EPRS1: variants seen among roughly 807,000 people sequenced by gnomAD.
The protein encoded by EPRS1 is bifunctional glutamate/proline--tRNA ligase.
Under a neutral mutation model 188.3 loss-of-function variants are expected in EPRS1, and 107 were observed. The observed-to-expected ratio is 0.57, with a 90% CI of 0.49 to 0.67. The LOEUF (loss-of-function observed/expected upper bound fraction) is 0.67. Ranked by LOEUF, EPRS1 falls within the 30% of genes least tolerant of loss-of-function variation. The pLI, the probability that EPRS1 is intolerant of heterozygous loss-of-function variation, is 0.00. For synonymous variants in EPRS1, 596 were observed against 593.1 expected (o/e 1.00, Z -0.07); for missense variants, 1,577 against 1,802.2 (o/e 0.88, Z 2.26).
chr1:220,010,298 G>A (rs941867620), intron 13 of EPRS1, among the ~76,000 whole-genome samples: 1 of 151,938 alleles, frequency 6.6e-6, no homozygotes, highest in Non-Finnish European at 1.5e-5. Context: ...TATAAAGATA[G>A]GAGCTTGAAT....
At chr1:219,987,713 T>A (rs1661032943) in intron 19 of EPRS1, among the ~76,000 whole-genome samples, 2 of 152,170 alleles carry the variant, frequency 1.3e-5, no homozygotes, top group Admixed American at 1.3e-4. Flanking sequence ...ATTGAAATTA[T>A]AAAGATTATG....
In EPRS1 at chr1:219,983,332, C is replaced by T; in HGVS notation, c.3157G>A (p.Ala1053Thr). ...TTGATGGCTTCCCAAATGGCATAGG[C>T]CCAGGGACGAAGAATATAACAGCCA... ...ISGCYILRPWAYAIWEAIKDF... is the reference protein window; with the variant it reads ...ISGCYILRPWTYAIWEAIKDF... Residue 1053 changes from alanine (A) to threonine (T), a missense_variant, in exon 22 of 32, where the codon GCC becomes ACC. By Grantham distance (58) the Ala-to-Thr change is moderately conservative. Around this residue, in one of 3 missense-constraint regions of EPRS1, gnomAD observed 1,278 missense variants for 1,457.4 expected, o/e 0.88. Coordinates refer to ENST00000366923, the MANE Select transcript of EPRS1 (RefSeq NM_004446.3). 8.1e-6 allele frequency: 13 copies of T among 1,613,934 alleles called. No homozygotes were observed. Among genetic ancestry groups the T allele is most frequent in the Non-Finnish European group, 1.1e-5 (13 of 1,179,830 alleles).
intron 1 of EPRS1, 58 bp downstream of exon 1, chr1:220,046,285 G>A (rs1273851562): frequency 1.2e-6 from 2 of 1,604,968 alleles, no homozygotes; most frequent in South Asian, 1.1e-5. Context: ...GACCTTCCAC[G>A]CCCTGCACCC....
At chr1:220,024,531 A>T in intron 7 of EPRS1, 75 bp from the exon 8 acceptor site, 1 of 927,902 alleles carries the variant, frequency 1.1e-6, no homozygotes, top group East Asian at 2.5e-5. Context: ...TTGATACTGC[A>T]TTTAAGCAAA....
At chr1:220,002,812 C>G (rs115705971) in intron 16 of EPRS1, among the ~76,000 whole-genome samples, 49 of 152,196 alleles carry the variant, frequency 3.2e-4, no homozygotes, top group African/African-American at 1.2e-3. Context: ...GCACTCAAGT[C>G]TGGGTGAGAG....
At chr1:220,024,231 A>G (rs1471270615) in intron 8 of EPRS1, 33 bp downstream of exon 8, 1 of 1,370,804 alleles carries the variant, frequency 7.3e-7, no homozygotes, top group Non-Finnish European at 1.0e-6. Context: ...CAATATAAGA[A>G]TATCAATTAA....
At chr1:220,013,299 C>CT (rs1469449157) in intron 12 of EPRS1, among the ~76,000 whole-genome samples, 1 of 152,118 alleles carries the variant, frequency 6.6e-6, no homozygotes, top group Non-Finnish European at 1.5e-5. Context: ...AAATAAAGTA[C>CT]TAGTTTCCTA....
Position 220,010,903 on chromosome 1 carries a change from CTTT to C in EPRS1, c.1605+40_1605+42del, listed in dbSNP as rs947666932. The C allele has an allele frequency of 2.6e-6, 3 of 1,153,302 alleles. No homozygotes were observed. In the African/African-American group the frequency reaches 4.6e-5, roughly 18 times the overall value. 71.4% of individuals were successfully genotyped at this position (1,153,302 alleles called of 1,614,324 possible). A position where few individuals can be genotyped will look rare whatever the true frequency, so the allele number is the denominator to read the frequency against. On this transcript the variant is annotated intron_variant, in intron 13 of 31. Transcript: ENST00000366923. ...TTTTCCTTTTTATTTCCTGCTCCTT[CTTT>C]TAACAGAGAGAAACACATTGGTGAA...
intron 13 of EPRS1, among the ~76,000 whole-genome samples, chr1:220,007,554 TA>T (rs1661515253): frequency 6.6e-6 from 1 of 152,224 alleles, no homozygotes; most frequent in African/African-American, 2.4e-5. Context: ...TCTTAGCATT[TA>T]AACAATACAT....
chr1:219,994,992 A>G (rs1661204927), intron 18 of EPRS1, among the ~76,000 whole-genome samples: 1 of 152,046 alleles, frequency 6.6e-6, no homozygotes, highest in Admixed American at 6.6e-5. Context: ...TATTGTTGTT[A>G]TGCACCATTT....
At chr1:220,018,194 GA>G (rs369093891) in intron 12 of EPRS1, 29 of 1,391,322 alleles carry the variant, frequency 2.1e-5, no homozygotes, top group African/African-American at 5.8e-5. Context: ...AAAATTTAAG[GA>G]AAAAAATATT....
intron 18 of EPRS1, among the ~76,000 whole-genome samples, chr1:219,989,481 T>C (rs1254504819): frequency 6.6e-6 from 1 of 151,588 alleles, no homozygotes; most frequent in Non-Finnish European, 1.5e-5. Context: ...ATGGTGCTAC[T>C]ATCTCACCAC....
chr1:219,976,248 T>C (rs979714803), intron 28 of EPRS1, among the ~76,000 whole-genome samples: 3 of 152,162 alleles, frequency 2.0e-5, no homozygotes, highest in Non-Finnish European at 4.4e-5. Context: ...GAAAGGCTAA[T>C]AAAAAATGTG....
Position 219,988,749 on chromosome 1 carries a change from G to A in EPRS1, c.2616C>T (p.Tyr872=), listed in dbSNP as rs375836750. Residue 872 remains tyrosine, a synonymous_variant, in exon 19 of 32, where the codon TAC becomes TAT. Transcript: ENST00000366923. ...GAGATAATGGGGGCTGACCAGGTAT[G>A]TACTCCTTCCCAGTTTTTTCTTTAT... ...AQYKEKTGKE[Y]IPGQPPLSQS... 19 of 1,613,666 alleles carry A rather than the reference G, an allele frequency of 1.2e-5. No individual in the cohort carries two copies. The highest frequency in any genetic ancestry group is 1.6e-5 in the Non-Finnish European group (19 of 1,179,778).
Position 219,988,837 on chromosome 1 carries a change from G to C in EPRS1, c.2542-14C>G, listed in dbSNP as rs367696750. 1.3e-6 allele frequency: 2 copies of C among 1,509,542 alleles called. No homozygotes were observed. Among genetic ancestry groups the C allele is most frequent in the African/African-American group, 2.8e-5 (2 of 71,266 alleles). The allele number at this position is 1,509,542 out of a possible 1,614,324, so 93.5% of individuals were successfully genotyped here. A position where few individuals can be genotyped will look rare whatever the true frequency, so the allele number is the denominator to read the frequency against. On this transcript the variant is annotated splice_polypyrimidine_tract_variant and intron_variant, in intron 18 of 31. Coordinates refer to ENST00000366923, the MANE Select transcript of EPRS1 (RefSeq NM_004446.3). The stretch of plus-strand genomic sequence containing the variant: ...ATTTATTTTAGCCTAAAATAAAAGA[G>C]AGAAAGAGATATTTATAAAACTTTG...
intron 1 of EPRS1, among the ~76,000 whole-genome samples, chr1:220,043,571 T>C (rs1030298647): frequency 6.6e-6 from 1 of 152,146 alleles, no homozygotes; most frequent in South Asian, 2.1e-4. Flanking sequence ...ATTTACATGA[T>C]TCCAATGCAT....
chr1:219,973,107 T>C, intron 29 of EPRS1, 131 bp downstream of exon 29: 1 of 703,938 alleles, frequency 1.4e-6, no homozygotes, highest in Non-Finnish European at 2.4e-6. Context: ...AGTGGCAAAT[T>C]AAGTAGCATG....
intron 18 of EPRS1, among the ~76,000 whole-genome samples, chr1:219,991,512 C>G (rs1622508): frequency 0.86 from 131,406 of 152,158 alleles, 57,169 homozygotes; most frequent in African/African-American, 0.97. Context: ...ATCCTTCCAA[C>G]TGAGTGAGGG....
At chr1:220,044,474 T>C (rs560582938) in intron 1 of EPRS1, among the ~76,000 whole-genome samples, 2 of 152,100 alleles carry the variant, frequency 1.3e-5, no homozygotes, top group African/African-American at 2.4e-5. Context: ...CCTGTGGTCC[T>C]GGCACTTTGG....
Sources: gnomAD v4.1 joint callset for allele counts (sites outside exome capture counted in the v4.1 genomes callset) on GRCh38, gnomAD v4.1.1 for gene constraint, gnomAD v4.1.1 regional missense constraint, MANE v1.5 for transcripts, NCBI Gene and HGNC (gene_info 2026-07-23, HGNC 2026-07-21) for gene names.